The following NEDD4L variants were observed in gnomAD, a reference collection of about 807,000 sequenced individuals.
NEDD4L encodes the protein NEDD4 like E3 ubiquitin protein ligase, also known as E3 ubiquitin-protein ligase NEDD4-like.
A neutral mutation model predicts 148.9 loss-of-function variants in NEDD4L; 54 were observed. That is an observed-to-expected ratio of 0.36 (90% CI 0.29 to 0.45). The LOEUF is 0.45. Ranked by LOEUF, NEDD4L falls within the 20% of genes least tolerant of loss-of-function variation. The probability of loss-of-function intolerance (pLI) is 1.00; values close to 1 mark genes in which losing one functional copy is unlikely to be tolerated. For synonymous variants in NEDD4L, 433 were observed against 440.7 expected (o/e 0.98, Z 0.22); for missense variants, 856 against 1,233.8 (o/e 0.69, Z 4.59).
chr18:58,320,057 T>C (rs919083551), intron 6 of NEDD4L, among the ~76,000 whole-genome samples: 2 of 152,226 alleles, frequency 1.3e-5, no homozygotes, highest in Non-Finnish European at 2.9e-5. Flanking sequence ...GAGATCTGCC[T>C]TTTGACCTGT....
chr18:58,306,969 A>G (rs1236240508), intron 5 of NEDD4L, among the ~76,000 whole-genome samples: 1 of 152,220 alleles, frequency 6.6e-6, no homozygotes, highest in Non-Finnish European at 1.5e-5. Flanking sequence ...TGTTTGGCAC[A>G]TGATAGATGA....
intron 2 of NEDD4L, among the ~76,000 whole-genome samples, chr18:58,170,017 G>A (rs544131458): frequency 2.0e-5 from 3 of 152,006 alleles, no homozygotes; most frequent in South Asian, 2.1e-4. Context: ...TATTTTCCAC[G>A]ACCTATTATA....
At position 58,239,865 on chromosome 18, in the gene NEDD4L, T is replaced by G. The variant is rs143984825; in HGVS notation, c.123-5562T>G. Reference sequence around the variant, plus strand: ...TCAGTGCAGGCCTGCAGTCTCTCTATTAGAACTGGAGCAGAGGCCCAGAAG... The same window carrying G: ...TCAGTGCAGGCCTGCAGTCTCTCTAGTAGAACTGGAGCAGAGGCCCAGAAG... On this transcript the variant is annotated intron_variant, in intron 2 of 30. Transcript: ENST00000400345. Among the ~76,000 whole-genome samples, 193 of 152,328 alleles carry G rather than the reference T, an allele frequency of 1.3e-3. 2 individuals carry two copies. In the East Asian group the frequency reaches 0.028, roughly 22 times the overall value.
chr18:58,298,885 A>T (rs540428139), intron 5 of NEDD4L, among the ~76,000 whole-genome samples: 41 of 152,362 alleles, frequency 2.7e-4, no homozygotes, highest in Admixed American at 2.6e-4. Flanking sequence ...ATAAGTGATT[A>T]AGTTGCTGGC....
At chr18:58,344,772 A>G (rs1017599168) in intron 16 of NEDD4L, among the ~76,000 whole-genome samples, 1 of 152,058 alleles carries the variant, frequency 6.6e-6, no homozygotes, top group African/African-American at 2.4e-5. Flanking sequence ...CTGTCCTGCC[A>G]GTGTTCTCAT....
At chr18:58,310,851 G>C (rs2057612384) in intron 5 of NEDD4L, among the ~76,000 whole-genome samples, 1 of 152,216 alleles carries the variant, frequency 6.6e-6, no homozygotes, top group African/African-American at 2.4e-5. Flanking sequence ...GAAAGCCCAG[G>C]TTGTTTTTCT....
intron 1 of NEDD4L, among the ~76,000 whole-genome samples, chr18:58,103,272 AAT>A (rs1220255134): frequency 5.9e-5 from 8 of 136,370 alleles, no homozygotes; most frequent in African/African-American, 2.2e-4. Context: ...TATATATTAT[AAT>A]TATATATAAT....
intron 1 of NEDD4L, among the ~76,000 whole-genome samples, 197 bp downstream of exon 1, chr18:58,044,905 ATTGT>A (rs2081505039): frequency 6.6e-6 from 1 of 152,276 alleles, no homozygotes; most frequent in East Asian, 1.9e-4. Context: ...AGCCGAGCTC[ATTGT>A]TTGTAAATAA....
intron 1 of NEDD4L, among the ~76,000 whole-genome samples, chr18:58,150,514 C>T (rs2034590831): frequency 6.6e-6 from 1 of 152,260 alleles, no homozygotes; most frequent in Admixed American, 6.5e-5. Context: ...GCGTGAGCCA[C>T]TGCACCCGGC....
intron 2 of NEDD4L, among the ~76,000 whole-genome samples, chr18:58,215,464 A>C (rs777914148): frequency 8.6e-5 from 13 of 151,950 alleles, no homozygotes; most frequent in Admixed American, 2.0e-4. Flanking sequence ...TGACCTATTA[A>C]TTTTTCATTG....
intron 5 of NEDD4L, among the ~76,000 whole-genome samples, chr18:58,313,353 C>T (rs952814505): frequency 6.6e-6 from 1 of 152,114 alleles, no homozygotes; most frequent in African/African-American, 2.4e-5. Flanking sequence ...ATTCGGTAAA[C>T]TGTATTCCAT....
chr18:58,231,237 CAAAAAA>C (rs67220469), intron 2 of NEDD4L, among the ~76,000 whole-genome samples: 50 of 90,146 alleles, frequency 5.5e-4, no homozygotes, highest in South Asian at 7.2e-4. Context: ...GACCCTATCT[CAAAAAA>C]AAAAAAAAAA....
chr18:58,293,009 G>A (rs1827545860), intron 5 of NEDD4L, among the ~76,000 whole-genome samples: 1 of 152,212 alleles, frequency 6.6e-6, no homozygotes. Flanking sequence ...CTTTGGGCTA[G>A]GAGGTACCTA....
chr18:58,062,227 G>A (rs1467746581), intron 1 of NEDD4L, among the ~76,000 whole-genome samples: 1 of 152,140 alleles, frequency 6.6e-6, no homozygotes, highest in Admixed American at 6.5e-5. Flanking sequence ...CACCCAGTAC[G>A]TGGGTGCACT....
intron 2 of NEDD4L, among the ~76,000 whole-genome samples, chr18:58,219,889 TAAA>T (rs1021710618): frequency 9.2e-5 from 14 of 152,298 alleles, no homozygotes; most frequent in African/African-American, 3.1e-4. Context: ...AATAAATAAA[TAAA>T]AACTTGTTCA....
chr18:58,325,304 A>G, intron 9 of NEDD4L, 142 bp downstream of exon 9: 1 of 969,946 alleles, frequency 1.0e-6, no homozygotes. Flanking sequence ...ATTCCTCTCC[A>G]TTTACGTAAA....
chr18:58,214,499 A>G (rs754976790), intron 2 of NEDD4L, among the ~76,000 whole-genome samples: 3 of 152,128 alleles, frequency 2.0e-5, no homozygotes, highest in Non-Finnish European at 4.4e-5. Context: ...AACAGCGCCT[A>G]TCTGTTACTG....
chr18:58,369,873 T>C (rs1276243755), intron 22 of NEDD4L, among the ~76,000 whole-genome samples: 2 of 152,226 alleles, frequency 1.3e-5, no homozygotes, highest in East Asian at 1.9e-4. Context: ...GCCTGTCCCC[T>C]TCCTGTGCTT....
In NEDD4L at chr18:58,112,471, T is replaced by TAG. The variant is rs912638324; in HGVS notation, c.49-53309_49-53308dup. 1.8e-3 allele frequency among the ~76,000 whole-genome samples: 278 copies of TAG among 151,230 alleles called. 2 individuals carry two copies. The highest frequency in any genetic ancestry group is 3.8e-3 in the Admixed American group (58 of 15,162). ...TGTATTTTCAGTATGTATATATATA[T>TAG]AGAGAGAGATTTTTAAAATTTTATT... On this transcript the variant is annotated intron_variant, in intron 1 of 30. Transcript: ENST00000400345.
Sources: allele counts gnomAD v4.1 joint callset (sites outside exome capture counted in the v4.1 genomes callset), GRCh38; gene constraint gnomAD v4.1.1; transcripts MANE v1.5; gene names NCBI Gene and HGNC (gene_info 2026-07-23, HGNC 2026-07-21).